The following TNNI3K variants were observed in gnomAD, a reference collection of about 807,000 sequenced individuals.
The protein encoded by TNNI3K is serine/threonine-protein kinase TNNI3K.
A neutral mutation model predicts 114.5 loss-of-function variants in TNNI3K; 140 were observed. The observed-to-expected ratio is 1.22, with a 90% CI of 1.07 to 1.41. The LOEUF (loss-of-function observed/expected upper bound fraction) is 1.41, where lower values mean the gene tolerates loss of function less well. TNNI3K is among the 40% of genes most tolerant of loss of function. The pLI is 0.00. For missense variants in TNNI3K, 1,125 were observed against 1,007.6 expected, an observed-to-expected ratio of 1.12 and a Z score of -1.58; for synonymous variants, 347 against 347.5, an observed-to-expected ratio of 1.00 and a Z score of 0.02.
At chr1:74,542,038 C>T (rs1172531085) in intron 24 of TNNI3K, among the ~76,000 whole-genome samples, 1 of 152,280 alleles carries the variant, frequency 6.6e-6, no homozygotes, top group Middle Eastern at 3.4e-3. Flanking sequence ...AGACTTGGTT[C>T]AGTCTTTTCC....
intron 21 of TNNI3K, among the ~76,000 whole-genome samples, chr1:74,467,272 T>TA (rs1484754928): frequency 2.0e-5 from 3 of 152,184 alleles, no homozygotes; most frequent in Admixed American, 2.0e-4. Context: ...AGTTCATCTT[T>TA]AGATGGAGGA....
chr1:74,392,573 C>A (rs1486647120), intron 17 of TNNI3K, among the ~76,000 whole-genome samples: 1 of 152,176 alleles, frequency 6.6e-6, no homozygotes. Flanking sequence ...GCAGAAACCC[C>A]TGATTCAATT....
chr1:74,319,629 C>A (rs1287132982), intron 5 of TNNI3K, among the ~76,000 whole-genome samples: 3 of 152,112 alleles, frequency 2.0e-5, no homozygotes, highest in Admixed American at 1.3e-4. Flanking sequence ...CAAACATGGC[C>A]TGGCAAGTAG....
chr1:74,494,336 T>C (rs928417306), intron 23 of TNNI3K, among the ~76,000 whole-genome samples: 5 of 152,178 alleles, frequency 3.3e-5, no homozygotes, highest in Non-Finnish European at 7.4e-5. Context: ...CCTGATCTGA[T>C]AAAGGAGTTG....
At chr1:74,397,747 T>G (rs1370295933) in intron 17 of TNNI3K, among the ~76,000 whole-genome samples, 1 of 152,176 alleles carries the variant, frequency 6.6e-6, no homozygotes, top group Non-Finnish European at 1.5e-5. Context: ...CCAAGTGATA[T>G]GCAGCATATC....
intron 23 of TNNI3K, among the ~76,000 whole-genome samples, chr1:74,515,375 C>T (rs1344449204): frequency 2.0e-5 from 3 of 152,146 alleles, no homozygotes; most frequent in African/African-American, 2.4e-5. Flanking sequence ...CAGTATGAGA[C>T]TTGAAAGACA....
Position 74,399,487 on chromosome 1 carries a change from A to G in TNNI3K, c.1772+29095A>G, listed in dbSNP as rs553748897. ...GTGACTCAGTGTTAATTAAGACTCAAAAAGAAGACAAGCTCCACCCATGCT... is the reference window on the plus strand; with the variant it reads ...GTGACTCAGTGTTAATTAAGACTCAGAAAGAAGACAAGCTCCACCCATGCT... On this transcript the variant is annotated intron_variant, in intron 17 of 24. Coordinates refer to ENST00000326637, the MANE Select transcript of TNNI3K (RefSeq NM_015978.3). 6.6e-5 allele frequency among the ~76,000 whole-genome samples: 10 copies of G among 152,256 alleles called. 1 individual carries two copies. The South Asian group carries it at 1.7e-3, about 25-fold the overall frequency.
intron 17 of TNNI3K, among the ~76,000 whole-genome samples, chr1:74,379,899 C>T (rs1330084855): frequency 6.6e-6 from 1 of 152,104 alleles, no homozygotes; most frequent in African/African-American, 2.4e-5. Flanking sequence ...TGTTGTTCTT[C>T]TCTCATCTGC....
intron 21 of TNNI3K, among the ~76,000 whole-genome samples, chr1:74,482,805 TAAAA>T (rs948413559): frequency 6.6e-6 from 1 of 152,104 alleles, no homozygotes; most frequent in Non-Finnish European, 1.5e-5. Flanking sequence ...TTACCACCAA[TAAAA>T]AAAGACCAGA....
intron 17 of TNNI3K, among the ~76,000 whole-genome samples, chr1:74,381,187 CA>C (rs1663186034): frequency 6.6e-6 from 1 of 152,128 alleles, no homozygotes; most frequent in South Asian, 2.1e-4. Flanking sequence ...TGTGGGCTAT[CA>C]CCCTATTGGA....
At chr1:74,543,240 A>AT (rs1188985901) in intron 24 of TNNI3K, among the ~76,000 whole-genome samples, 2 of 151,426 alleles carry the variant, frequency 1.3e-5, no homozygotes, top group East Asian at 2.0e-4. Context: ...ACACCCGGCT[A>AT]TTTTTTGTAT....
At chr1:74,448,348 T>G (rs1488407854) in intron 20 of TNNI3K, among the ~76,000 whole-genome samples, 2 of 147,206 alleles carry the variant, frequency 1.4e-5, no homozygotes, top group Non-Finnish European at 3.0e-5. Context: ...GCTTATCAGC[T>G]TAAGGAGATT....
intron 7 of TNNI3K, among the ~76,000 whole-genome samples, chr1:74,338,288 T>C (rs1660582081): frequency 6.6e-6 from 1 of 151,976 alleles, no homozygotes; most frequent in Admixed American, 6.6e-5. Flanking sequence ...AAAAGAAAGC[T>C]TTAGAATACA....
At chr1:74,454,694 T>C (rs2100705214) in intron 20 of TNNI3K, among the ~76,000 whole-genome samples, 1 of 152,312 alleles carries the variant, frequency 6.6e-6, no homozygotes, top group East Asian at 1.9e-4. Context: ...TGCAGCTATC[T>C]CTTAGATATA....
intron 17 of TNNI3K, among the ~76,000 whole-genome samples, chr1:74,417,682 TTG>T (rs10529693): frequency 0.012 from 1,595 of 137,052 alleles, 12 homozygotes; most frequent in African/African-American, 0.02. Flanking sequence ...GTGTACGTGT[TTG>T]TGTGTGTGTG....
chr1:74,270,858 A>G (rs1656297019), intron 4 of TNNI3K, among the ~76,000 whole-genome samples: 2 of 151,682 alleles, frequency 1.3e-5, no homozygotes, highest in South Asian at 4.1e-4. Context: ...CAAAATAAAA[A>G]TTCAATGACT....
intron 23 of TNNI3K, among the ~76,000 whole-genome samples, chr1:74,536,740 T>C (rs897209947): frequency 6.6e-6 from 1 of 152,186 alleles, no homozygotes; most frequent in African/African-American, 2.4e-5. Flanking sequence ...CTTTTTAGCA[T>C]AAAGAAGACT....
chr1:74,412,550 A>G lies in TNNI3K; in HGVS notation c.1773-23530A>G, dbSNP rs150103623. Reference sequence around the variant, plus strand: ...GGGAGTTTTAAGATACCTATTAAATATTGTCTCACGTTGACTCAATGACAT... The same window carrying G: ...GGGAGTTTTAAGATACCTATTAAATGTTGTCTCACGTTGACTCAATGACAT... On this transcript the variant is annotated intron_variant, in intron 17 of 24. Transcript: ENST00000326637. 8.7e-4 allele frequency among the ~76,000 whole-genome samples: 133 copies of G among 152,254 alleles called. 2 individuals are homozygous for G. The Middle Eastern group carries it at 0.01, about 12-fold the overall frequency.
At chr1:74,255,285 C>T (rs1336802954) in intron 4 of TNNI3K, among the ~76,000 whole-genome samples, 3 of 143,054 alleles carry the variant, frequency 2.1e-5, no homozygotes, top group Admixed American at 1.5e-4. Flanking sequence ...ACCCGGGAGG[C>T]GGAGCTTGCA....
Sources: gnomAD v4.1 joint callset for allele counts (sites outside exome capture counted in the v4.1 genomes callset) on GRCh38, gnomAD v4.1.1 for gene constraint, MANE v1.5 for transcripts, NCBI Gene and HGNC (gene_info 2026-07-23, HGNC 2026-07-21) for gene names.